The following EFCAB8 variants were observed in gnomAD, a reference collection of about 807,000 sequenced individuals.
EFCAB8 encodes EF-hand calcium binding domain 8.
In EFCAB8, 100 loss-of-function variants were observed where a neutral mutation model predicts 116.3. The observed-to-expected ratio is 0.86, with a 90% CI of 0.73 to 1.02. The LOEUF is 1.02. Ranked by LOEUF, EFCAB8 falls within the 50% of genes least tolerant of loss-of-function variation. The pLI is 0.00. For missense variants in EFCAB8, 1,320 were observed against 1,416.9 expected, an observed-to-expected ratio of 0.93 and a Z score of 1.10; for synonymous variants, 558 against 567.9, an observed-to-expected ratio of 0.98 and a Z score of 0.25.
rs1230767624 is a variant in EFCAB8, at chr20:32,862,654, T to G, written c.-10-1129T>G. ...TATTTTTTATTTTTTTGGGACAGAG[T>G]CTTGCTCTTGTTGCCCAGGCTAGAG... On this transcript the variant is annotated intron_variant, in intron 1 of 26. Coordinates refer to ENST00000400522, the MANE Select transcript of EFCAB8 (RefSeq NM_001143967.2). Among the ~76,000 whole-genome samples the G allele has an allele frequency of 5.3e-5, 8 of 152,012 alleles. No individual in the cohort carries two copies. The South Asian group carries it at 1.2e-3, about 24-fold the overall frequency.
intron 4 of EFCAB8, among the ~76,000 whole-genome samples, chr20:32,877,636 G>A (rs1985049886): frequency 6.6e-6 from 1 of 152,210 alleles, no homozygotes; most frequent in South Asian, 2.1e-4. Flanking sequence ...TTACCCAGTG[G>A]TCCTTGTTTA....
rs190314132 is a variant in EFCAB8, at chr20:32,891,339, C to T, written c.674-874C>T. 1.2e-4 allele frequency among the ~76,000 whole-genome samples: 18 copies of T among 152,182 alleles called. No individual in the cohort carries two copies. In the East Asian group the frequency reaches 2.5e-3, roughly 21 times the overall value. ...TCTGCTGGGCCCGTGTTTGTTGGCTCATCAGGTGTCTGGGATTACAGGTGC... is the reference window on the plus strand; with the variant it reads ...TCTGCTGGGCCCGTGTTTGTTGGCTTATCAGGTGTCTGGGATTACAGGTGC... On this transcript the variant is annotated intron_variant, in intron 7 of 26. Transcript: ENST00000400522.
intron 11 of EFCAB8, 22 bp from the exon 12 acceptor site, chr20:32,906,540 C>T (rs1568922177): frequency 2.8e-6 from 2 of 718,390 alleles, no homozygotes; most frequent in Non-Finnish European, 5.2e-6. Flanking sequence ...GCCCTGCAGC[C>T]CTCACTCCTT....
intron 23 of EFCAB8, among the ~76,000 whole-genome samples, chr20:32,947,243 T>C (rs964137285): frequency 2.6e-5 from 4 of 152,242 alleles, no homozygotes; most frequent in African/African-American, 9.6e-5. Flanking sequence ...CTGTTATTAT[T>C]TTAAATTTTA....
At chr20:32,920,852 G>A (rs907005909) in intron 20 of EFCAB8, among the ~76,000 whole-genome samples, 11 of 152,102 alleles carry the variant, frequency 7.2e-5, no homozygotes, top group African/African-American at 2.7e-4. Context: ...GGGAGGGGAG[G>A]TAGGGAGGTA....
At chr20:32,918,156 G>A (rs1481447210) in intron 18 of EFCAB8, among the ~76,000 whole-genome samples, 2 of 152,252 alleles carry the variant, frequency 1.3e-5, no homozygotes, top group East Asian at 3.8e-4. Context: ...TGGGAGCAGT[G>A]TCCTGCCTGT....
chr20:32,920,329 A>T, intron 20 of EFCAB8, 114 bp downstream of exon 20: 1 of 1,388,792 alleles, frequency 7.2e-7, no homozygotes. Context: ...GATTCTCCCC[A>T]GTGCCCGGAA....
At chr20:32,928,511 A>G (rs932402241) in intron 20 of EFCAB8, among the ~76,000 whole-genome samples, 71 of 152,298 alleles carry the variant, frequency 4.7e-4, no homozygotes, top group African/African-American at 1.6e-3. Context: ...CTGGGATTAC[A>G]GGCATGAGCC....
At chr20:32,902,396 T>G (rs1442053276) in intron 11 of EFCAB8, among the ~76,000 whole-genome samples, 1 of 152,076 alleles carries the variant, frequency 6.6e-6, no homozygotes. Flanking sequence ...CAGAGACACA[T>G]GTTCCCTTCC....
intron 22 of EFCAB8, among the ~76,000 whole-genome samples, chr20:32,940,023 C>CCTT (rs1988346452): frequency 1.4e-4 from 8 of 56,122 alleles, no homozygotes; most frequent in African/African-American, 6.8e-4. Context: ...CTCCCTCCCT[C>CCTT]CCTTCCTTCC....
chr20:32,863,960 A>G, intron 2 of EFCAB8, 126 bp downstream of exon 2: 1 of 1,063,832 alleles, frequency 9.4e-7, no homozygotes, highest in Non-Finnish European at 1.3e-6. Context: ...TCAGATATTT[A>G]CTGGGCAGGT....
intron 23 of EFCAB8, among the ~76,000 whole-genome samples, chr20:32,956,263 T>A (rs1988961625): frequency 6.6e-6 from 1 of 152,154 alleles, no homozygotes; most frequent in African/African-American, 2.4e-5. Flanking sequence ...ACATATGTTA[T>A]GTCTTCCTAT....
At chr20:32,863,865 G>A in intron 2 of EFCAB8, 31 bp downstream of exon 2, 1 of 1,550,262 alleles carries the variant, frequency 6.5e-7, no homozygotes, top group South Asian at 1.2e-5. Flanking sequence ...AACTAATAAA[G>A]GGTGGGGCAT....
intron 3 of EFCAB8, among the ~76,000 whole-genome samples, chr20:32,871,211 A>G (rs1600365012): frequency 6.6e-6 from 1 of 150,928 alleles, no homozygotes; most frequent in South Asian, 2.1e-4. Context: ...CTTTTTTTAT[A>G]TGCAGTGGCA....
chr20:32,898,276 G>A (rs2146221376), intron 10 of EFCAB8: 1 of 489,278 alleles, frequency 2.0e-6, no homozygotes, highest in East Asian at 3.0e-5. Context: ...AGGCTTGTGT[G>A]CTTTTAAAAA....
At chr20:32,919,213 G>A (rs1987338459) in intron 19 of EFCAB8, among the ~76,000 whole-genome samples, 2 of 152,182 alleles carry the variant, frequency 1.3e-5, no homozygotes, top group South Asian at 4.1e-4. Context: ...GTATGGGGCA[G>A]GAGGAACCAG....
intron 11 of EFCAB8, among the ~76,000 whole-genome samples, chr20:32,899,688 C>T (rs1986338994): frequency 1.3e-5 from 2 of 152,014 alleles, no homozygotes; most frequent in African/African-American, 4.8e-5. Flanking sequence ...GATTCTCCTG[C>T]CTCAGCCTCC....
At chr20:32,930,658 C>G in intron 21 of EFCAB8, 42 bp downstream of exon 21, 1 of 1,530,468 alleles carries the variant, frequency 6.5e-7, no homozygotes, top group East Asian at 2.4e-5. Flanking sequence ...CTGGTGCCAG[C>G]TAAGTGTTCG....
chr20:32,929,393 TACA>T (rs901126809), intron 20 of EFCAB8, among the ~76,000 whole-genome samples: 70 of 152,228 alleles, frequency 4.6e-4, no homozygotes, highest in African/African-American at 1.5e-3. Context: ...TTCGGATTTC[TACA>T]ACAATAAGGA....
Sources: gnomAD v4.1 joint callset for allele counts (sites outside exome capture counted in the v4.1 genomes callset) on GRCh38, gnomAD v4.1.1 for gene constraint, MANE v1.5 for transcripts, NCBI Gene and HGNC (gene_info 2026-07-23, HGNC 2026-07-21) for gene names.